The following PACSIN2 variants were observed in gnomAD, a reference collection of about 807,000 sequenced individuals.
PACSIN2 encodes protein kinase C and casein kinase substrate in neurons 2, also known as protein kinase C and casein kinase substrate in neurons protein 2.
In PACSIN2, 25 loss-of-function variants were observed where a neutral mutation model predicts 63.8. The observed-to-expected ratio is 0.39, with a 90% CI of 0.29 to 0.55. The LOEUF (loss-of-function observed/expected upper bound fraction) is 0.55, where lower values mean the gene tolerates loss of function less well. Ranked by LOEUF, PACSIN2 falls within the 20% of genes least tolerant of loss-of-function variation. The pLI is 0.62. For missense variants in PACSIN2, 518 were observed against 646.9 expected (o/e 0.80, Z 2.16); for synonymous variants, 255 against 256.2 (o/e 1.00, Z 0.05).
intron 5 of PACSIN2, 120 bp from the exon 6 acceptor site, chr22:42,884,681 G>T: frequency 1.4e-6 from 1 of 707,654 alleles, no homozygotes; most frequent in Non-Finnish European, 2.4e-6. Flanking sequence ...CAGGAGCTCT[G>T]GATTCTGACA....
intron 1 of PACSIN2, among the ~76,000 whole-genome samples, chr22:42,969,065 C>CCATCCATCCATCCATCCA (rs1270377374): frequency 1.3e-5 from 2 of 152,110 alleles, no homozygotes; most frequent in African/African-American, 4.8e-5. Flanking sequence ...ATCCATCCAT[C>CCATCCATCCATCCATCCA]CATCCACCCT....
chr22:43,002,700 A>G (rs1382465897), intron 1 of PACSIN2, among the ~76,000 whole-genome samples: 3 of 152,154 alleles, frequency 2.0e-5, no homozygotes, highest in Admixed American at 2.0e-4. Flanking sequence ...TCGGGAATTT[A>G]TCCCCAGGAA....
At chr22:42,944,677 G>A (rs910963352) in intron 1 of PACSIN2, among the ~76,000 whole-genome samples, 3 of 152,176 alleles carry the variant, frequency 2.0e-5, no homozygotes, top group Non-Finnish European at 2.9e-5. Context: ...AAACAATGAC[G>A]AGTTGACAGA....
At chr22:42,907,926 G>T (rs1373568200) in intron 2 of PACSIN2, among the ~76,000 whole-genome samples, 1 of 152,248 alleles carries the variant, frequency 6.6e-6, no homozygotes, top group Non-Finnish European at 1.5e-5. Context: ...TGCAGTGCTA[G>T]AGTCTGAGAG....
At chr22:42,900,557 G>A (rs1930613983) in intron 2 of PACSIN2, among the ~76,000 whole-genome samples, 1 of 152,140 alleles carries the variant, frequency 6.6e-6, no homozygotes. Flanking sequence ...TCACAGAGGC[G>A]CAACCTTCCC....
chr22:42,993,053 C>A (rs896770332), intron 1 of PACSIN2, among the ~76,000 whole-genome samples: 1 of 151,758 alleles, frequency 6.6e-6, no homozygotes, highest in Admixed American at 6.6e-5. Context: ...ATAGTCCCAG[C>A]TACTCGGGAG....
At chr22:42,932,765 A>G (rs960326631) in intron 1 of PACSIN2, among the ~76,000 whole-genome samples, 1 of 151,372 alleles carries the variant, frequency 6.6e-6, no homozygotes, top group Non-Finnish European at 1.5e-5. Context: ...AAAAAAAAAA[A>G]GGAAAAAGCC....
At chr22:42,881,172 G>T (rs1242733234) in intron 7 of PACSIN2, among the ~76,000 whole-genome samples, 1 of 152,188 alleles carries the variant, frequency 6.6e-6, no homozygotes, top group African/African-American at 2.4e-5. Context: ...CCTGTTAAGG[G>T]CCATAAAAGA....
intron 2 of PACSIN2, among the ~76,000 whole-genome samples, chr22:42,910,922 T>TTTTA (rs1931410116): frequency 6.6e-6 from 1 of 151,926 alleles, no homozygotes; most frequent in Admixed American, 6.6e-5. Context: ...TTTTTTTTTT[T>TTTTA]GAGACGGAGT....
intron 1 of PACSIN2, among the ~76,000 whole-genome samples, chr22:42,939,880 AG>A (rs1933073519): frequency 6.6e-6 from 1 of 152,232 alleles, no homozygotes; most frequent in Admixed American, 6.5e-5. Flanking sequence ...GCGATGTTCC[AG>A]GAACAGGAGA....
At chr22:42,879,194 G>C in intron 7 of PACSIN2, 25 bp from the exon 8 acceptor site, 18 of 1,607,974 alleles carry the variant, frequency 1.1e-5, no homozygotes, top group Non-Finnish European at 1.5e-5. Flanking sequence ...CCGAGGGAGA[G>C]AAACCAAAGG....
chr22:42,979,927 CATTT>C (rs144547235), intron 1 of PACSIN2, among the ~76,000 whole-genome samples: 172 of 152,292 alleles, frequency 1.1e-3, no homozygotes, highest in Non-Finnish European at 2.0e-3. Flanking sequence ...TACATACACA[CATTT>C]ATTACACATA....
chr22:42,947,307 G>A (rs1257346711), intron 1 of PACSIN2, among the ~76,000 whole-genome samples: 1 of 152,178 alleles, frequency 6.6e-6, no homozygotes, highest in Non-Finnish European at 1.5e-5. Flanking sequence ...CAGACAAAGA[G>A]TATTATTGAC....
intron 1 of PACSIN2, among the ~76,000 whole-genome samples, chr22:42,916,384 C>A (rs1375431594): frequency 8.2e-6 from 1 of 122,288 alleles, no homozygotes; most frequent in Admixed American, 1.3e-4. Context: ...CTGATGTTCA[C>A]AGAGCAACAA....
At chr22:42,998,527 C>A (rs1923560783) in intron 1 of PACSIN2, among the ~76,000 whole-genome samples, 1 of 152,140 alleles carries the variant, frequency 6.6e-6, no homozygotes, top group Non-Finnish European at 1.5e-5. Flanking sequence ...TTGCTAGATC[C>A]CTAAATAATA....
At chr22:42,981,531 A>G (rs1922132033) in intron 1 of PACSIN2, among the ~76,000 whole-genome samples, 1 of 95,706 alleles carries the variant, frequency 1.0e-5, no homozygotes, top group Non-Finnish European at 2.0e-5. Flanking sequence ...TGGGGGGGTC[A>G]GCCCCCCGCC....
At chr22:42,914,075 C>T (rs906435352) in intron 1 of PACSIN2, among the ~76,000 whole-genome samples, 1 of 152,228 alleles carries the variant, frequency 6.6e-6, no homozygotes. Flanking sequence ...GATGCATGCA[C>T]GCTCCTAACC....
chr22:42,876,199 A>G lies in PACSIN2; in HGVS notation c.1286T>C (p.Val429Ala), dbSNP rs768766374. 44 of 1,614,046 alleles carry G rather than the reference A, an allele frequency of 2.7e-5. No individual in the cohort carries two copies. The African/African-American group carries it at 5.5e-4, about 20-fold the overall frequency. The change falls in exon 10 of 11, where the codon GTG becomes GCG. Residue 429 changes from valine (V) to alanine (A), a missense_variant. By Grantham distance (64) the Val-to-Ala change is moderately conservative. Around this residue, in one of 2 missense-constraint regions of PACSIN2, gnomAD observed 507 missense variants for 612.3 expected, o/e 0.83. Coordinates refer to ENST00000263246, the MANE Select transcript of PACSIN2 (RefSeq NM_001184970.3). ...FDDDATSGTE[V>A]RVRALYDYEG... ...ATAGTCATACAGGGCCCGGACTCGC[A>G]CTTCCGTCCCCGAGGTGGCGTCGTC...
chr22:42,926,775 T>C (rs1281594978), intron 1 of PACSIN2, among the ~76,000 whole-genome samples: 1 of 151,580 alleles, frequency 6.6e-6, no homozygotes, highest in African/African-American at 2.4e-5. Flanking sequence ...AAGGCTGCAG[T>C]GAGCTATGAT....
Sources: gnomAD v4.1 joint callset for allele counts (sites outside exome capture counted in the v4.1 genomes callset) on GRCh38, gnomAD v4.1.1 for gene constraint, gnomAD v4.1.1 regional missense constraint, MANE v1.5 for transcripts, NCBI Gene and HGNC (gene_info 2026-07-23, HGNC 2026-07-21) for gene names.